The following DAPP1 variants were observed in gnomAD, a reference collection of about 807,000 sequenced individuals.
DAPP1 encodes dual adaptor of phosphotyrosine and 3-phosphoinositides 1.
DAPP1 carries 20 observed loss-of-function variants against 41.5 expected under a neutral mutation model. That is an observed-to-expected ratio of 0.48 (90% CI 0.34 to 0.70). DAPP1 has a LOEUF of 0.70. DAPP1 is among the 30% of genes least tolerant of loss of function. The pLI is 0.01. For synonymous variants in DAPP1, 113 were observed against 116.2 expected, an observed-to-expected ratio of 0.97 and a Z score of 0.18; for missense variants, 233 against 333.4, an observed-to-expected ratio of 0.70 and a Z score of 2.35.
At chr4:99,838,368 A>G (rs1723373815) in intron 2 of DAPP1, among the ~76,000 whole-genome samples, 1 of 152,218 alleles carries the variant, frequency 6.6e-6, no homozygotes, top group South Asian at 2.1e-4. Context: ...ATGAACAAAT[A>G]TTCACTTATT....
chr4:99,857,539 A>G (rs772160284), intron 4 of DAPP1, among the ~76,000 whole-genome samples: 1 of 152,086 alleles, frequency 6.6e-6, no homozygotes. Context: ...TTCTGTCTTT[A>G]TTCCGTAATC....
chr4:99,866,993 C>T (rs1326926329), intron 8 of DAPP1, among the ~76,000 whole-genome samples: 1 of 152,092 alleles, frequency 6.6e-6, no homozygotes, highest in African/African-American at 2.4e-5. Context: ...TGGTCTCGAA[C>T]TTCTCACCTC....
intron 4 of DAPP1, among the ~76,000 whole-genome samples, chr4:99,861,126 C>T (rs919813071): frequency 6.6e-6 from 1 of 152,030 alleles, no homozygotes; most frequent in African/African-American, 2.4e-5. Context: ...TCTAAGGTTC[C>T]CTCTTAAAAA....
intron 4 of DAPP1, among the ~76,000 whole-genome samples, chr4:99,856,726 A>C (rs1236709383): frequency 1.3e-5 from 2 of 152,214 alleles, no homozygotes; most frequent in East Asian, 3.8e-4. Context: ...GATGGATGAC[A>C]CAAGACTTCT....
Position 99,856,618 on chromosome 4 carries a change from G to A in DAPP1, c.489+3270G>A, listed in dbSNP as rs974490101. Among the ~76,000 whole-genome samples, 7 of 152,258 alleles carry A rather than the reference G, an allele frequency of 4.6e-5. No individual in the cohort carries two copies. The South Asian group carries it at 8.3e-4, about 18-fold the overall frequency. ...TGTTTCTGTTGGTGCATTGCTTTGC[G>A]GCACTACTATCATGCGTGAGTGTCA... On this transcript the variant is annotated intron_variant, in intron 4 of 8. Transcript: ENST00000512369.
chr4:99,836,654 T>A (rs1219046988), intron 2 of DAPP1, among the ~76,000 whole-genome samples: 1 of 152,138 alleles, frequency 6.6e-6, no homozygotes, highest in Non-Finnish European at 1.5e-5. Context: ...CTCACTTCTT[T>A]CCCAGTCTAC....
At chr4:99,847,466 C>T (rs1723704675) in intron 3 of DAPP1, among the ~76,000 whole-genome samples, 1 of 152,186 alleles carries the variant, frequency 6.6e-6, no homozygotes, top group Non-Finnish European at 1.5e-5. Flanking sequence ...CTGCCTTGGT[C>T]CAGCTCTGAT....
chr4:99,856,933 G>A (rs971652276), intron 4 of DAPP1, among the ~76,000 whole-genome samples: 2 of 152,186 alleles, frequency 1.3e-5, no homozygotes, highest in Non-Finnish European at 2.9e-5. Flanking sequence ...ATGATCAGTA[G>A]ACATGTCTTT....
At chr4:99,842,773 G>C (rs1292132782) in intron 3 of DAPP1, among the ~76,000 whole-genome samples, 1 of 151,900 alleles carries the variant, frequency 6.6e-6, no homozygotes, top group East Asian at 1.9e-4. Flanking sequence ...TGGGCTCCTA[G>C]TATTGGCTCC....
chr4:99,827,158 T>A (rs1722961545), intron 1 of DAPP1, among the ~76,000 whole-genome samples: 1 of 152,124 alleles, frequency 6.6e-6, no homozygotes, highest in Non-Finnish European at 1.5e-5. Context: ...GGGCCTGAGG[T>A]TGTGTGTGGT....
intron 4 of DAPP1, among the ~76,000 whole-genome samples, 166 bp downstream of exon 4, chr4:99,853,514 T>C (rs1723941491): frequency 2.0e-5 from 3 of 152,210 alleles, no homozygotes; most frequent in South Asian, 2.1e-4. Context: ...CATCTGGTCC[T>C]GGGTAGATCA....
chr4:99,845,306 A>G (rs887063197), intron 3 of DAPP1, among the ~76,000 whole-genome samples: 8 of 152,130 alleles, frequency 5.3e-5, no homozygotes, highest in African/African-American at 1.9e-4. Flanking sequence ...TGGTCCCACA[A>G]TAACAGTACA....
At position 99,827,553 on chromosome 4, in the gene DAPP1, ACAAAAC is replaced by A. The variant is rs1231943193; in HGVS notation, c.102-8069_102-8064del. Among the ~76,000 whole-genome samples, 20 of 124,824 alleles carry A rather than the reference ACAAAAC, an allele frequency of 1.6e-4. 3 individuals carry two copies. Among genetic ancestry groups the A allele is most frequent in the South Asian group, 6.8e-4 (3 of 4,386 alleles). 81.9% of individuals were successfully genotyped at this position (124,824 alleles called of 152,430 possible). On this transcript the variant is annotated intron_variant, in intron 1 of 8. Transcript: ENST00000512369. The stretch of plus-strand genomic sequence containing the variant: ...GTCTCAAAAAAAAAACAACAAAAAA[ACAAAAC>A]AAAAAACACCATCACACTTATAAGT...
At chr4:99,867,921 T>C (rs1441400958) in intron 8 of DAPP1, among the ~76,000 whole-genome samples, 196 bp from the exon 9 acceptor site, 1 of 152,234 alleles carries the variant, frequency 6.6e-6, no homozygotes, top group Non-Finnish European at 1.5e-5. Context: ...CTTTACAATA[T>C]GTGTCCTAAA....
intron 3 of DAPP1, among the ~76,000 whole-genome samples, chr4:99,845,934 G>C (rs1474443034): frequency 6.6e-6 from 1 of 152,102 alleles, no homozygotes; most frequent in African/African-American, 2.4e-5. Context: ...ATGACAGCAG[G>C]AACAAAGTAT....
At chr4:99,823,684 A>G (rs1722847140) in intron 1 of DAPP1, among the ~76,000 whole-genome samples, 1 of 152,196 alleles carries the variant, frequency 6.6e-6, no homozygotes, top group South Asian at 2.1e-4. Flanking sequence ...CTGAAGGTTC[A>G]TAGGAATGTG....
chr4:99,854,806 T>C (rs527986077), intron 4 of DAPP1, among the ~76,000 whole-genome samples: 2 of 152,224 alleles, frequency 1.3e-5, no homozygotes, highest in African/African-American at 4.8e-5. Context: ...TCTTCTGTGC[T>C]CCAGAGCACC....
intron 3 of DAPP1, among the ~76,000 whole-genome samples, chr4:99,840,685 A>G (rs1242121017): frequency 6.6e-6 from 1 of 152,212 alleles, no homozygotes; most frequent in African/African-American, 2.4e-5. Context: ...AAAGGTAAAA[A>G]TGACTTTTTG....
At chr4:99,833,402 C>T (rs1246948139) in intron 1 of DAPP1, among the ~76,000 whole-genome samples, 2 of 152,176 alleles carry the variant, frequency 1.3e-5, no homozygotes, top group Admixed American at 6.5e-5. Context: ...TGCTAAGAAA[C>T]ATGCATTAGG....
Sources: gnomAD v4.1 joint callset for allele counts (sites outside exome capture counted in the v4.1 genomes callset) on GRCh38, gnomAD v4.1.1 for gene constraint, MANE v1.5 for transcripts, NCBI Gene and HGNC (gene_info 2026-07-23, HGNC 2026-07-21) for gene names.